Variants in MMP26 observed in about 807,000 individuals in gnomAD.
MMP26 encodes the protein matrix metalloproteinase-26.
Under a neutral mutation model 31.0 loss-of-function variants are expected in MMP26, and 33 were observed. That is an observed-to-expected ratio of 1.06 (90% CI 0.81 to 1.42). MMP26 has a LOEUF of 1.42. Among genes scored for constraint, MMP26 ranks in the 40% most tolerant of loss-of-function variants. MMP26 has a pLI of 0.00. For missense variants in MMP26, 347 were observed against 316.1 expected, an observed-to-expected ratio of 1.10 and a Z score of -0.74; for synonymous variants, 122 against 114.9, an observed-to-expected ratio of 1.06 and a Z score of -0.40.
At chr11:4,769,609 C>A in intron 2 of MMP26, 1 of 1,613,006 alleles carries the variant, frequency 6.2e-7, no homozygotes, top group Non-Finnish European at 8.5e-7. Context: ...GAAGAAAAAA[C>A]ATCTGGACAA....
At chr11:4,834,088 TG>T (rs1849684193) in intron 2 of MMP26, among the ~76,000 whole-genome samples, 1 of 152,144 alleles carries the variant, frequency 6.6e-6, no homozygotes, top group African/African-American at 2.4e-5. Flanking sequence ...CACGTTTTTC[TG>T]GGGTGAGAAT....
At chr11:4,816,727 A>G (rs1410668531) in intron 2 of MMP26, among the ~76,000 whole-genome samples, 2 of 116,596 alleles carry the variant, frequency 1.7e-5, no homozygotes, top group African/African-American at 3.5e-5. Flanking sequence ...TTTTTGAAAT[A>G]GAGTCTCGCT....
intron 2 of MMP26, among the ~76,000 whole-genome samples, chr11:4,825,255 G>A (rs1262207586): frequency 2.6e-5 from 4 of 152,156 alleles, no homozygotes; most frequent in Non-Finnish European, 4.4e-5. Flanking sequence ...TCACTCAAAT[G>A]TCAACATTCC....
intron 1 of MMP26, among the ~76,000 whole-genome samples, chr11:4,740,989 C>T (rs1848304773): frequency 6.6e-6 from 1 of 152,144 alleles, no homozygotes; most frequent in East Asian, 1.9e-4. Flanking sequence ...GAAGTCTTTG[C>T]TTATGCCTGT....
intron 1 of MMP26, among the ~76,000 whole-genome samples, chr11:4,712,629 A>C (rs1384427953): frequency 6.6e-6 from 1 of 152,136 alleles, no homozygotes; most frequent in Non-Finnish European, 1.5e-5. Context: ...ATGTACTAAG[A>C]ATGTTATTGT....
chr11:4,911,800 ATAGT>A (rs761960161), intron 2 of MMP26, among the ~76,000 whole-genome samples: 1 of 152,196 alleles, frequency 6.6e-6, no homozygotes, highest in African/African-American at 2.4e-5. Flanking sequence ...AGTTTATGAA[ATAGT>A]TAATCATTTA....
intron 2 of MMP26, chr11:4,882,238 G>A (rs2133538904): frequency 6.2e-7 from 1 of 1,613,994 alleles, no homozygotes; most frequent in African/African-American, 1.3e-5. Flanking sequence ...CCTTGCTGGA[G>A]TCCTCGGTGC....
chr11:4,859,835 G>T (rs1343196604), intron 2 of MMP26: 1 of 471,398 alleles, frequency 2.1e-6, no homozygotes, highest in Admixed American at 2.3e-5. Flanking sequence ...ATGTGAGAGA[G>T]GCATGTGCTG....
chr11:4,872,962 A>G (rs895042447), intron 2 of MMP26, among the ~76,000 whole-genome samples: 8 of 152,100 alleles, frequency 5.3e-5, no homozygotes, highest in Non-Finnish European at 8.8e-5. Flanking sequence ...AACTCCAGCT[A>G]TACAGTACAC....
At chr11:4,826,911 AATCCATTGG>A (rs1849585074) in intron 2 of MMP26, among the ~76,000 whole-genome samples, 1 of 152,060 alleles carries the variant, frequency 6.6e-6, no homozygotes, top group South Asian at 2.1e-4. Flanking sequence ...AGAAACAGTT[AATCCATTGG>A]ATCCTTTTTC....
At chr11:4,770,038 A>C in intron 2 of MMP26, 2 of 622,322 alleles carry the variant, frequency 3.2e-6, no homozygotes, top group African/African-American at 1.8e-5. Flanking sequence ...ATCCAAGGTC[A>C]TAGATAAGAT....
At chr11:4,861,365 A>G (rs1474187995) in intron 2 of MMP26, among the ~76,000 whole-genome samples, 1 of 150,784 alleles carries the variant, frequency 6.6e-6, no homozygotes, top group East Asian at 1.9e-4. Context: ...TGTATATACG[A>G]TAGGATAGGT....
chr11:4,842,654 G>A (rs745321723), intron 2 of MMP26, among the ~76,000 whole-genome samples: 23 of 152,044 alleles, frequency 1.5e-4, no homozygotes, highest in Admixed American at 2.6e-4. Flanking sequence ...GATTTGGGTG[G>A]GGACACAGAG....
intron 2 of MMP26, among the ~76,000 whole-genome samples, chr11:4,980,648 C>T (rs2133640151): frequency 6.6e-6 from 1 of 151,704 alleles, no homozygotes; most frequent in East Asian, 1.9e-4. Flanking sequence ...ATTTATATTC[C>T]CATAGTCATA....
intron 2 of MMP26, among the ~76,000 whole-genome samples, chr11:4,861,599 A>G (rs886994150): frequency 1.3e-5 from 2 of 152,038 alleles, no homozygotes; most frequent in Non-Finnish European, 2.9e-5. Flanking sequence ...ATTCAAATTA[A>G]TATTTAATCT....
In MMP26 at chr11:4,826,951, CATGAATCCTTA is replaced by C. The variant is rs141978057; in HGVS notation, c.-145+59613_-145+59623del. ...TTTTCCCATTGCTGAAAGTCTACCT[CATGAATCCTTA>C]ATTTCCCCCTATTTCTGGGTTGTAC... is the stretch of plus-strand genomic sequence containing the variant. On this transcript the variant is annotated intron_variant, in intron 2 of 7. Transcript: ENST00000380390. Among the ~76,000 whole-genome samples, 1,270 of 152,254 alleles carry C rather than the reference CATGAATCCTTA, an allele frequency of 8.3e-3. 16 individuals are homozygous for C. Among genetic ancestry groups the C allele is most frequent in the African/African-American group, 0.029 (1,196 of 41,540 alleles).
intron 2 of MMP26, among the ~76,000 whole-genome samples, chr11:4,873,678 G>A (rs1431876922): frequency 4.6e-5 from 7 of 151,966 alleles, no homozygotes; most frequent in Admixed American, 4.6e-4. Context: ...CAAGTTTTTA[G>A]ATAATACATG....
At chr11:4,987,957 C>T in intron 2 of MMP26, 111 bp from the exon 3 acceptor site, 8 of 520,174 alleles carry the variant, frequency 1.5e-5, no homozygotes, top group Non-Finnish European at 2.4e-5. Context: ...ATTTCCTTAA[C>T]CAGGCCTGTG....
intron 2 of MMP26, among the ~76,000 whole-genome samples, chr11:4,792,591 ACACC>A: frequency 6.6e-6 from 1 of 152,188 alleles, no homozygotes; most frequent in Non-Finnish European, 1.5e-5. Context: ...AAGAGAACAC[ACACC>A]CCTCAGTAGA....
Sources: allele counts gnomAD v4.1 joint callset (sites outside exome capture counted in the v4.1 genomes callset), GRCh38; gene constraint gnomAD v4.1.1; transcripts MANE v1.5; gene names NCBI Gene and HGNC (gene_info 2026-07-23, HGNC 2026-07-21).